TUSC3: variants seen among roughly 807,000 people sequenced by gnomAD.
TUSC3 encodes dolichyl-diphosphooligosaccharide--protein glycosyltransferase subunit TUSC3.
A neutral mutation model predicts 44.8 loss-of-function variants in TUSC3; 45 were observed. The ratio of observed to expected loss-of-function variants is 1.00; its 90% CI spans 0.79 to 1.29. The LOEUF is 1.29. TUSC3 is among the 50% of genes most tolerant of loss of function. TUSC3 has a pLI of 0.00. For synonymous variants in TUSC3, 212 were observed against 152.9 expected, an observed-to-expected ratio of 1.39 and a Z score of -2.85; for missense variants, 519 against 437.9, an observed-to-expected ratio of 1.19 and a Z score of -1.65.
chr8:15,672,104 A>G (rs1271718154), intron 5 of TUSC3, among the ~76,000 whole-genome samples: 1 of 152,070 alleles, frequency 6.6e-6, no homozygotes. Context: ...AGGCATTACC[A>G]TCATGGATGC....
chr8:15,553,993 A>T (rs1236868338), intron 1 of TUSC3, among the ~76,000 whole-genome samples: 1 of 151,358 alleles, frequency 6.6e-6, no homozygotes, highest in Non-Finnish European at 1.5e-5. Flanking sequence ...CACCATACAA[A>T]TTTTTTTCTC....
chr8:15,821,411 G>C, the TUSC3 span, among the ~76,000 whole-genome samples: 20,772 of 134,170 alleles, frequency 0.15, 1,642 homozygotes, highest in East Asian at 0.27. Context: ...GTTTGCTGAT[G>C]TGTAAATTTA....
intron 2 of TUSC3, among the ~76,000 whole-genome samples, chr8:15,525,393 C>T (rs974335010): frequency 6.6e-6 from 1 of 152,158 alleles, no homozygotes; most frequent in African/African-American, 2.4e-5. Context: ...AGTTTGGATT[C>T]TGTTAAATTC....
chr8:15,578,634 T>C (rs1440114549), intron 1 of TUSC3, among the ~76,000 whole-genome samples: 35 of 151,006 alleles, frequency 2.3e-4, no homozygotes, highest in Admixed American at 3.3e-4. Flanking sequence ...TTTGCGTATA[T>C]TGAACCAGCC....
intron 2 of TUSC3, among the ~76,000 whole-genome samples, chr8:15,504,621 A>T (rs373308745): frequency 0.034 from 675 of 20,102 alleles, 21 homozygotes; most frequent in East Asian, 0.14. Flanking sequence ...ATATATATAT[A>T]TTTTTTTTTT....
chr8:15,786,208 C>G, the TUSC3 span, among the ~76,000 whole-genome samples: 6 of 152,204 alleles, frequency 3.9e-5, no homozygotes, highest in East Asian at 1.2e-3. Context: ...ACTGCAACTT[C>G]ATTACATACA....
downstream of TUSC3, among the ~76,000 whole-genome samples, chr8:15,768,923 T>C (rs1812395395): frequency 6.6e-6 from 1 of 151,898 alleles, no homozygotes; most frequent in South Asian, 2.1e-4. Flanking sequence ...CACAAGGAAA[T>C]AAGAGAGGAC....
At chr8:15,614,031 C>T (rs78728088) in intron 1 of TUSC3, among the ~76,000 whole-genome samples, 31 of 31,026 alleles carry the variant, frequency 1.0e-3, no homozygotes, top group Admixed American at 1.5e-3. Flanking sequence ...TTTTTTTTTT[C>T]GGTGGGGGTC....
At chr8:15,523,656 ATATATATATGTGTGTGTGTGTGTGTG>A (rs1554509623) in intron 2 of TUSC3, among the ~76,000 whole-genome samples, 33,249 of 93,182 alleles carry the variant, frequency 0.36, 6,154 homozygotes, top group Admixed American at 0.45. Flanking sequence ...ATATATATAT[ATATATATATGTGTGTGTGTGTGTGTG>A]TGTGTGTGTG....
intron 1 of TUSC3, among the ~76,000 whole-genome samples, chr8:15,445,651 C>T (rs1047865855): frequency 1.3e-5 from 2 of 152,222 alleles, no homozygotes; most frequent in African/African-American, 2.4e-5. Flanking sequence ...TATAGATTAA[C>T]AGCATCCCAA....
intron 6 of TUSC3, among the ~76,000 whole-genome samples, chr8:15,709,463 T>C (rs764881367): frequency 3.9e-5 from 6 of 152,040 alleles, no homozygotes; most frequent in African/African-American, 1.2e-4. Context: ...CATATTCTTA[T>C]ATGTATTTTA....
intron 1 of TUSC3, among the ~76,000 whole-genome samples, chr8:15,611,364 T>C (rs1460257688): frequency 6.6e-6 from 1 of 152,136 alleles, no homozygotes; most frequent in Non-Finnish European, 1.5e-5. Flanking sequence ...TTTTGTATTT[T>C]TAGTAGAGAT....
chr8:15,685,259 C>A (rs1232850318), intron 6 of TUSC3, among the ~76,000 whole-genome samples: 1 of 152,042 alleles, frequency 6.6e-6, no homozygotes, highest in Non-Finnish European at 1.5e-5. Context: ...TGCCGAAATT[C>A]CTTCACTCAC....
In TUSC3 at chr8:15,540,310, C is replaced by T. The variant is rs957130821; in HGVS notation, c.-121C>T. ...GCCGCGGCCCGGGTCCCTCGCAAAG[C>T]CGCTGCCATCCCGGAGGGCCCAGCC... On this transcript the variant is annotated 5_prime_UTR_variant, in exon 1 of 11. Transcript: ENST00000503731. 1.5e-5 allele frequency: 20 copies of T among 1,324,700 alleles called. No individual in the cohort carries two copies. The highest frequency in any genetic ancestry group is 2.8e-4 in the Middle Eastern group (1 of 3,554). The allele number at this position is 1,324,700 out of a possible 1,614,324, so 82.1% of individuals were successfully genotyped here.
intron 1 of TUSC3, among the ~76,000 whole-genome samples, chr8:15,575,037 A>AAT (rs1803039385): frequency 6.6e-6 from 1 of 152,120 alleles, no homozygotes; most frequent in South Asian, 2.1e-4. Flanking sequence ...AAGTATTTAG[A>AAT]AAATTTTTAT....
chr8:15,681,120 C>T lies in TUSC3; in HGVS notation c.798+7284C>T, dbSNP rs548150087. Among the ~76,000 whole-genome samples the T allele has an allele frequency of 3.5e-5, 5 of 144,492 alleles. No homozygotes were observed. In the East Asian group the frequency reaches 9.9e-4, roughly 28 times the overall value. The allele number at this position is 144,492 out of a possible 152,430, so 94.8% of individuals were successfully genotyped here. A position where few individuals can be genotyped will look rare whatever the true frequency, so the allele number is the denominator to read the frequency against. Reference sequence around the variant, plus strand: ...TAGAACGTGTTAGGGAGGATTCCTTCATCCTTGATTTTTTTTTTTTTTTGG... The same window carrying T: ...TAGAACGTGTTAGGGAGGATTCCTTTATCCTTGATTTTTTTTTTTTTTTGG... On this transcript the variant is annotated intron_variant, in intron 6 of 10. Transcript: ENST00000503731.
At chr8:15,666,479 G>C (rs755619321) in intron 5 of TUSC3, among the ~76,000 whole-genome samples, 1 of 151,130 alleles carries the variant, frequency 6.6e-6, no homozygotes, top group Non-Finnish European at 1.5e-5. Flanking sequence ...CAACATTGGA[G>C]ATTAGTATAT....
intron 2 of TUSC3, among the ~76,000 whole-genome samples, chr8:15,499,948 T>G (rs1416646433): frequency 6.6e-6 from 1 of 152,204 alleles, no homozygotes; most frequent in African/African-American, 2.4e-5. Flanking sequence ...CTTGGCAATT[T>G]CAATACCAAT....
intron 6 of TUSC3, among the ~76,000 whole-genome samples, chr8:15,688,102 A>G (rs1261647148): frequency 6.6e-6 from 1 of 152,234 alleles, no homozygotes; most frequent in African/African-American, 2.4e-5. Flanking sequence ...TTTTTTTCCT[A>G]TTAGGAAAAT....
Sources: gnomAD v4.1 joint callset for allele counts (sites outside exome capture counted in the v4.1 genomes callset) on GRCh38, gnomAD v4.1.1 for gene constraint, MANE v1.5 for transcripts, NCBI Gene and HGNC (gene_info 2026-07-23, HGNC 2026-07-21) for gene names.